The following THSD4 variants were observed in gnomAD, a reference collection of about 807,000 sequenced individuals.
THSD4 encodes thrombospondin type-1 domain-containing protein 4.
Under a neutral mutation model 119.0 loss-of-function variants are expected in THSD4, and 69 were observed. The observed-to-expected ratio is 0.58, with a 90% CI of 0.48 to 0.71. The LOEUF (loss-of-function observed/expected upper bound fraction) is 0.71. Ranked by LOEUF, THSD4 falls within the 30% of genes least tolerant of loss-of-function variation. THSD4 has a pLI of 0.00. For missense variants in THSD4, 1,393 were observed against 1,391.1 expected (o/e 1.00, Z -0.02); for synonymous variants, 524 against 540.4 (o/e 0.97, Z 0.42).
intron 7 of THSD4, among the ~76,000 whole-genome samples, chr15:71,434,675 C>A (rs2046987758): frequency 6.6e-6 from 1 of 151,872 alleles, no homozygotes; most frequent in East Asian, 1.9e-4. Flanking sequence ...CTAAAAAGTT[C>A]TTATGGGAGA....
intron 8 of THSD4, among the ~76,000 whole-genome samples, chr15:71,717,675 G>A (rs1041854189): frequency 1.3e-5 from 2 of 152,060 alleles, no homozygotes; most frequent in African/African-American, 4.8e-5. Flanking sequence ...TTAGGGATGA[G>A]AGTTAGAAGC....
chr15:71,480,912 C>T (rs2047721016), intron 7 of THSD4, among the ~76,000 whole-genome samples: 1 of 152,124 alleles, frequency 6.6e-6, no homozygotes, highest in African/African-American at 2.4e-5. Flanking sequence ...CCATGAACAC[C>T]CCATGCATGC....
chr15:71,116,539 A>G (rs1162793865), intron 1 of THSD4, among the ~76,000 whole-genome samples: 7 of 152,206 alleles, frequency 4.6e-5, no homozygotes, highest in Non-Finnish European at 1.0e-4. Flanking sequence ...CCGTCTTACT[A>G]AAAGTGCATG....
chr15:71,681,113 C>A (rs1567097620), intron 8 of THSD4, among the ~76,000 whole-genome samples: 3 of 151,670 alleles, frequency 2.0e-5, no homozygotes, highest in South Asian at 4.2e-4. Context: ...GACAGTGTCA[C>A]CATGTGGGCT....
At chr15:71,560,569 G>C (rs932285364) in intron 7 of THSD4, among the ~76,000 whole-genome samples, 1 of 152,194 alleles carries the variant, frequency 6.6e-6, no homozygotes, top group Non-Finnish European at 1.5e-5. Flanking sequence ...AGATATTAGA[G>C]GAATGCATTC....
intron 1 of THSD4, among the ~76,000 whole-genome samples, chr15:71,126,165 G>A (rs745905232): frequency 5.9e-5 from 9 of 152,284 alleles, no homozygotes; most frequent in South Asian, 2.1e-4. Flanking sequence ...TCCTACTGGC[G>A]TGGTCAGAGG....
At chr15:71,389,468 T>TTC (rs985233884) in intron 6 of THSD4, among the ~76,000 whole-genome samples, 3 of 151,490 alleles carry the variant, frequency 2.0e-5, no homozygotes, top group African/African-American at 7.3e-5. Context: ...ATTTCCTCTT[T>TTC]TTTTTTTTTT....
chr15:71,451,445 C>T (rs776700388), intron 7 of THSD4, among the ~76,000 whole-genome samples: 10 of 152,128 alleles, frequency 6.6e-5, no homozygotes, highest in Non-Finnish European at 1.3e-4. Context: ...GTTTGTTTTG[C>T]AGGATCCGTC....
intron 6 of THSD4, among the ~76,000 whole-genome samples, chr15:71,328,819 C>T (rs1038841077): frequency 6.6e-6 from 1 of 152,198 alleles, no homozygotes; most frequent in Non-Finnish European, 1.5e-5. Flanking sequence ...GATGTCCCAT[C>T]TAATTTGCTC....
At chr15:71,599,361 C>T (rs1284572358) in intron 7 of THSD4, among the ~76,000 whole-genome samples, 1 of 152,140 alleles carries the variant, frequency 6.6e-6, no homozygotes, top group Non-Finnish European at 1.5e-5. Context: ...ACATCATACA[C>T]AGAGCCCACT....
At chr15:71,255,240 A>AAC (rs148275981) in intron 5 of THSD4, among the ~76,000 whole-genome samples, 10 of 151,006 alleles carry the variant, frequency 6.6e-5, no homozygotes, top group South Asian at 4.2e-4. Flanking sequence ...CACACACACA[A>AAC]ACACACACAC....
chr15:71,765,289 C>G, intron 16 of THSD4, 90 bp downstream of exon 16: 1 of 1,441,764 alleles, frequency 6.9e-7, no homozygotes, highest in Non-Finnish European at 9.2e-7. Context: ...GCACTGGGTT[C>G]AGCCCTGAAA....
intron 7 of THSD4, among the ~76,000 whole-genome samples, chr15:71,543,920 C>A (rs187856649): frequency 1.1e-4 from 16 of 152,154 alleles, no homozygotes; most frequent in African/African-American, 2.4e-4. Flanking sequence ...CCCAGCTACT[C>A]GGGAGGCTGA....
chr15:71,202,457 A>G (rs1332157936), intron 3 of THSD4, among the ~76,000 whole-genome samples: 1 of 152,118 alleles, frequency 6.6e-6, no homozygotes, highest in African/African-American at 2.4e-5. Flanking sequence ...GTGTGAATAT[A>G]TGCACCCACA....
At chr15:71,622,113 G>A (rs1468479125) in intron 7 of THSD4, among the ~76,000 whole-genome samples, 1 of 152,068 alleles carries the variant, frequency 6.6e-6, no homozygotes, top group African/African-American at 2.4e-5. Context: ...TTATCCAAAG[G>A]GCTGTATTTG....
At chr15:71,727,537 A>T (rs1364367563) in intron 8 of THSD4, among the ~76,000 whole-genome samples, 82 of 1,632 alleles carry the variant, frequency 0.05, no homozygotes, top group African/African-American at 0.056. Flanking sequence ...CTCTTAAAAA[A>T]AAAAAAAAAA....
intron 6 of THSD4, among the ~76,000 whole-genome samples, chr15:71,354,030 C>G (rs962328542): frequency 6.6e-6 from 1 of 152,218 alleles, no homozygotes; most frequent in Non-Finnish European, 1.5e-5. Flanking sequence ...GGTGTGGTAG[C>G]TCATGCCCAT....
chr15:71,681,472 T>A (rs1298206409), intron 8 of THSD4, among the ~76,000 whole-genome samples: 1 of 151,654 alleles, frequency 6.6e-6, no homozygotes, highest in African/African-American at 2.4e-5. Context: ...AGGTCAGGCG[T>A]TCCAGACCAG....
At chr15:71,201,341 T>C (rs2043802152) in intron 3 of THSD4, among the ~76,000 whole-genome samples, 1 of 152,214 alleles carries the variant, frequency 6.6e-6, no homozygotes, top group South Asian at 2.1e-4. Flanking sequence ...ATGATATTGA[T>C]CTCACAGGCT....
Sources: gnomAD v4.1 joint callset for allele counts (sites outside exome capture counted in the v4.1 genomes callset) on GRCh38, gnomAD v4.1.1 for gene constraint, MANE v1.5 for transcripts, NCBI Gene and HGNC (gene_info 2026-07-23, HGNC 2026-07-21) for gene names.